ZSWIM6: variants seen among roughly 807,000 people sequenced by gnomAD.
ZSWIM6 encodes zinc finger SWIM domain-containing protein 6.
ZSWIM6 carries 9 observed loss-of-function variants against 113.2 expected under a neutral mutation model. The observed-to-expected ratio is 0.08, with a 90% CI of 0.05 to 0.14. The LOEUF is 0.14. ZSWIM6 is among the 10% of genes least tolerant of loss of function. The pLI is 1.00. For missense variants in ZSWIM6, 1,162 were observed against 1,552.2 expected, an observed-to-expected ratio of 0.75 and a Z score of 4.22; for synonymous variants, 611 against 606.5, an observed-to-expected ratio of 1.01 and a Z score of -0.11.
At chr5:61,336,462 A>T (rs1189216440) in intron 1 of ZSWIM6, among the ~76,000 whole-genome samples, 1 of 151,978 alleles carries the variant, frequency 6.6e-6, no homozygotes, top group Non-Finnish European at 1.5e-5. Context: ...ATTTAATTGG[A>T]TAAAAATCAA....
intron 2 of ZSWIM6, among the ~76,000 whole-genome samples, chr5:61,489,920 T>C (rs923595826): frequency 6.6e-6 from 1 of 152,048 alleles, no homozygotes; most frequent in African/African-American, 2.4e-5. Context: ...TTTAGATCAT[T>C]AGAAGACAAG....
At chr5:61,356,777 TATAA>T (rs1377374753) in intron 1 of ZSWIM6, among the ~76,000 whole-genome samples, 3 of 140,814 alleles carry the variant, frequency 2.1e-5, no homozygotes, top group Admixed American at 7.5e-5. Context: ...ATAATATATA[TATAA>T]ATATTTTATA....
intron 13 of ZSWIM6, among the ~76,000 whole-genome samples, chr5:61,542,188 T>G (rs1042591413): frequency 3.9e-5 from 6 of 152,264 alleles, no homozygotes; most frequent in African/African-American, 1.4e-4. Flanking sequence ...AAGCTCCAGC[T>G]TCTTATTTAA....
At chr5:61,434,406 T>C (rs1256206360) in intron 1 of ZSWIM6, among the ~76,000 whole-genome samples, 1 of 151,992 alleles carries the variant, frequency 6.6e-6, no homozygotes, top group African/African-American at 2.4e-5. Flanking sequence ...CTGAGCAGTG[T>C]ACACTGTACC....
At chr5:61,530,000 C>G in intron 7 of ZSWIM6, 52 bp from the exon 8 acceptor site, 2 of 1,441,800 alleles carry the variant, frequency 1.4e-6, no homozygotes, top group Non-Finnish European at 1.9e-6. Context: ...CCACTTCTTT[C>G]CCTTCATCTC....
chr5:61,446,527 T>A (rs1746956377), intron 1 of ZSWIM6, among the ~76,000 whole-genome samples: 1 of 152,182 alleles, frequency 6.6e-6, no homozygotes. Context: ...CACACAAAGA[T>A]CATTTTGATT....
At chr5:61,375,359 G>A in intron 1 of ZSWIM6, 1 of 1,599,472 alleles carries the variant, frequency 6.3e-7, no homozygotes, top group Non-Finnish European at 8.6e-7. Flanking sequence ...TTGTTAAGTG[G>A]AAGTGAGAGC....
chr5:61,393,662 C>T (rs970928692), intron 1 of ZSWIM6, among the ~76,000 whole-genome samples: 2 of 150,702 alleles, frequency 1.3e-5, no homozygotes, highest in Non-Finnish European at 2.9e-5. Context: ...CACTTGAACT[C>T]GGGGGGCGGA....
rs57439648 is a variant in ZSWIM6, at chr5:61,398,912, GTTTTTTTTTT to G, written c.676+65983_676+65992del. ...GAAGGAGAGCAAGTTGTGTATAGTT[GTTTTTTTTTT>G]TTTTTTTTTTTTTTTTTTGAGACAG... On this transcript the variant is annotated intron_variant, in intron 1 of 13. Transcript: ENST00000252744. Among the ~76,000 whole-genome samples, 4 of 61,736 alleles carry G rather than the reference GTTTTTTTTTT, an allele frequency of 6.5e-5. No individual in the cohort carries two copies. In the South Asian group the frequency reaches 2.2e-3, roughly 34 times the overall value. The allele number at this position is 61,736 out of a possible 152,430, so 40.5% of individuals were successfully genotyped here.
At chr5:61,379,717 T>G (rs1745439843) in intron 1 of ZSWIM6, among the ~76,000 whole-genome samples, 1 of 152,144 alleles carries the variant, frequency 6.6e-6, no homozygotes, top group South Asian at 2.1e-4. Flanking sequence ...GAGTAAAAAC[T>G]AGAACAAAGC....
chr5:61,496,494 C>T (rs1382295625), intron 4 of ZSWIM6, among the ~76,000 whole-genome samples: 20 of 152,198 alleles, frequency 1.3e-4, no homozygotes. Context: ...TGCCCCTACA[C>T]AGGGCTCACA....
intron 1 of ZSWIM6, among the ~76,000 whole-genome samples, chr5:61,379,765 C>T (rs1383165139): frequency 6.6e-6 from 1 of 152,106 alleles, no homozygotes; most frequent in Non-Finnish European, 1.5e-5. Context: ...CCCACAAAAA[C>T]AAATACCTCC....
chr5:61,531,959 C>T (rs530417705), intron 9 of ZSWIM6, among the ~76,000 whole-genome samples: 10 of 152,268 alleles, frequency 6.6e-5, no homozygotes, highest in African/African-American at 2.2e-4. Context: ...TAGCCTATTA[C>T]AAAACAGCTG....
In ZSWIM6 at chr5:61,543,766, A is replaced by G. The variant is rs1749807534; in HGVS notation, c.3097A>G (p.Ile1033Val). The change falls in exon 14 of 14, where the codon ATA becomes GTA. Residue 1033 changes from isoleucine to valine, a missense_variant. By Grantham distance (29) the Ile-to-Val change is conservative. This residue lies in a region of ZSWIM6 where 620 missense variants were observed against 804.6 expected (regional missense o/e 0.77). Coordinates refer to ENST00000252744, the MANE Select transcript of ZSWIM6 (RefSeq NM_020928.2). This position sits in a 1 kb window ranked among gnomAD's most constrained non-coding sequence, Gnocchi z 4.3. ...CATGAGCTATACACAGCTCTTTACA[A>G]TAGCACGGTACATGGAGCACCGCGG... is the stretch of plus-strand genomic sequence containing the variant. ...TGMSYTQLFT[I>V]ARYMEHRGYP... The G allele has an allele frequency of 3.2e-6, 5 of 1,551,684 alleles. No homozygotes were observed. The highest frequency in any genetic ancestry group is 1.2e-5 in the South Asian group (1 of 84,064).
In ZSWIM6 at chr5:61,504,191, AT is replaced by A. The variant is rs375106058; in HGVS notation, c.1333+9782del. ...GTCCTCCATTTTCTTCTTCTGCTTT[AT>A]CTAGCCTTCTCCACCCATGTGCACA... On this transcript the variant is annotated intron_variant, in intron 4 of 13. Transcript: ENST00000252744. 1.5e-3 allele frequency among the ~76,000 whole-genome samples: 234 copies of A among 152,282 alleles called. 1 individual carries two copies. The highest frequency in any genetic ancestry group is 5.5e-3 in the African/African-American group (229 of 41,554).
intron 1 of ZSWIM6, among the ~76,000 whole-genome samples, chr5:61,426,562 T>G (rs1421162322): frequency 1.3e-5 from 2 of 152,240 alleles, no homozygotes; most frequent in African/African-American, 4.8e-5. Flanking sequence ...ACTAATCTGT[T>G]CATATTCCAG....
rs1480132191 is a variant in ZSWIM6 at position 61,530,025 on chromosome 5, A to G, written c.1838-27A>G. ...CCCTTCATCTCCCTTCTACTCCCCC[A>G]TTTCTCAATTCCCTTTCCTTACACA... On this transcript the variant is annotated intron_variant, in intron 7 of 13. Transcript: ENST00000252744. 6.6e-6 allele frequency: 10 copies of G among 1,523,376 alleles called. 1 individual carries two copies. The highest frequency in any genetic ancestry group is 6.2e-6 in the Non-Finnish European group (7 of 1,128,936). 94.4% of individuals were successfully genotyped at this position (1,523,376 alleles called of 1,614,324 possible).
intron 1 of ZSWIM6, chr5:61,375,604 A>G: frequency 2.0e-6 from 3 of 1,536,300 alleles, no homozygotes; most frequent in South Asian, 2.4e-5. Flanking sequence ...AAAGAAGTCA[A>G]AAGATGGAAC....
chr5:61,393,735 C>CA (rs5868274), intron 1 of ZSWIM6, among the ~76,000 whole-genome samples: 397 of 139,750 alleles, frequency 2.8e-3, no homozygotes, highest in African/African-American at 9.3e-3. Flanking sequence ...GAAACTATCT[C>CA]AAAAAAAAAA....
Sources: gnomAD v4.1 joint callset for allele counts (sites outside exome capture counted in the v4.1 genomes callset) on GRCh38, gnomAD v4.1.1 for gene constraint, gnomAD v4.1.1 regional missense constraint, Gnocchi (gnomAD v3.1) non-coding constraint, MANE v1.5 for transcripts, NCBI Gene and HGNC (gene_info 2026-07-23, HGNC 2026-07-21) for gene names.